The following RAPGEF5 variants were observed in gnomAD, a reference collection of about 807,000 sequenced individuals.
RAPGEF5 encodes the protein Rap guanine nucleotide exchange factor 5, also known as M-Ras-regulated GEF.
A neutral mutation model predicts 125.2 loss-of-function variants in RAPGEF5; 65 were observed. The ratio of observed to expected loss-of-function variants is 0.52; its 90% CI spans 0.43 to 0.64. RAPGEF5 has a LOEUF of 0.64. RAPGEF5 is among the 30% of genes least tolerant of loss of function. The pLI is 0.00. For missense variants in RAPGEF5, 958 were observed against 1,048.1 expected, an observed-to-expected ratio of 0.91 and a Z score of 1.19; for synonymous variants, 391 against 385.9, an observed-to-expected ratio of 1.01 and a Z score of -0.16.
At chr7:22,304,653 T>TGGGATTATGCACAC (rs1340496790) in intron 5 of RAPGEF5, among the ~76,000 whole-genome samples, 1 of 152,110 alleles carries the variant, frequency 6.6e-6, no homozygotes, top group African/African-American at 2.4e-5. Context: ...GGCATGCACA[T>TGGGATTATGCACAC]GGGATTATGC....
chr7:22,198,364 G>A (rs1785201487), intron 9 of RAPGEF5, among the ~76,000 whole-genome samples: 1 of 152,188 alleles, frequency 6.6e-6, no homozygotes, highest in Non-Finnish European at 1.5e-5. Flanking sequence ...AACCTGAGAA[G>A]AACAGCTGGC....
In RAPGEF5 at chr7:22,194,024, C is replaced by T; in HGVS notation, c.1006G>A (p.Glu336Lys). The T allele has an allele frequency of 6.2e-7, 1 of 1,612,906 alleles. No homozygotes were observed. The highest frequency in any genetic ancestry group is 8.5e-7 in the Non-Finnish European group (1 of 1,179,488). Residue 336 changes from glutamate to lysine, a missense_variant, in exon 10 of 26, where the codon GAA becomes AAA. Physicochemically the swap from Glu to Lys is moderately conservative, Grantham distance 56. Coordinates refer to ENST00000665637, the MANE Select transcript of RAPGEF5 (RefSeq NM_012294.5). ...EQEKSEHQDD[E>K]VTTVQVKEQD... The stretch of plus-strand genomic sequence containing the variant: ...TCTTTAACCTGAACAGTCGTCACTT[C>T]ATCATCTTGCTTTAATTGTGGACAG...
chr7:22,343,665 C>T (rs922461889), intron 1 of RAPGEF5, among the ~76,000 whole-genome samples: 1 of 152,120 alleles, frequency 6.6e-6, no homozygotes, highest in African/African-American at 2.4e-5. Context: ...ATCTGGATGA[C>T]CCCCCAAACC....
intron 1 of RAPGEF5, among the ~76,000 whole-genome samples, chr7:22,333,101 T>G (rs10238401): frequency 0.22 from 33,672 of 152,166 alleles, 3,787 homozygotes; most frequent in Admixed American, 0.24. Context: ...ATATTCATAT[T>G]AAATGCTAAC....
intron 7 of RAPGEF5, among the ~76,000 whole-genome samples, chr7:22,263,383 T>C (rs989802464): frequency 6.6e-6 from 1 of 152,244 alleles, no homozygotes; most frequent in African/African-American, 2.4e-5. Flanking sequence ...ATGATCCTTT[T>C]ATTAAATCAG....
intron 2 of RAPGEF5, 143 bp downstream of exon 2, chr7:22,317,844 G>T: frequency 1.9e-6 from 2 of 1,074,158 alleles, no homozygotes; most frequent in Non-Finnish European, 1.3e-6. Flanking sequence ...ATCCCAGGTG[G>T]TGAAGATAAT....
intron 1 of RAPGEF5, among the ~76,000 whole-genome samples, chr7:22,343,675 C>A (rs112730965): frequency 0.017 from 2,567 of 152,196 alleles, 64 homozygotes; most frequent in African/African-American, 0.059. Flanking sequence ...CCCCCCAAAC[C>A]ATGAAAAATG....
At chr7:22,173,761 A>G (rs1289639638) in intron 11 of RAPGEF5, among the ~76,000 whole-genome samples, 1 of 152,140 alleles carries the variant, frequency 6.6e-6, no homozygotes, top group Non-Finnish European at 1.5e-5. Context: ...GGGCTTGTCT[A>G]CCTTCTCCAG....
rs562377018 is a variant in RAPGEF5 at position 22,137,704 on chromosome 7, A to G, written c.2278-721T>C. Among the ~76,000 whole-genome samples, 5 of 152,282 alleles carry G rather than the reference A, an allele frequency of 3.3e-5. No individual in the cohort carries two copies. The East Asian group carries it at 9.7e-4, about 29-fold the overall frequency. On this transcript the variant is annotated intron_variant, in intron 21 of 25. Transcript: ENST00000665637. ...AACTCTGACTCTGCCCTTTCTAGCT[A>G]TGTGGTTTGGTGTGTCAGCAAGCTC...
chr7:22,307,314 C>T (rs1412092906), intron 5 of RAPGEF5, among the ~76,000 whole-genome samples: 1 of 152,038 alleles, frequency 6.6e-6, no homozygotes, highest in Non-Finnish European at 1.5e-5. Context: ...GTCTATTGTA[C>T]ACGCTGGTGT....
chr7:22,193,304 G>A, intron 11 of RAPGEF5, 63 bp downstream of exon 11: 6 of 1,514,422 alleles, frequency 4.0e-6, no homozygotes, highest in Non-Finnish European at 5.3e-6. Context: ...CCTTGCCCCT[G>A]AGGGTACTGA....
At chr7:22,265,800 G>A (rs1185756382) in intron 7 of RAPGEF5, among the ~76,000 whole-genome samples, 11 of 152,110 alleles carry the variant, frequency 7.2e-5, no homozygotes, top group Admixed American at 7.2e-4. Flanking sequence ...ATCTCAATGT[G>A]ATTTTGATTT....
chr7:22,356,790 G>C (rs1406783019), intron 1 of RAPGEF5, 40 bp downstream of exon 1: 1 of 1,100,912 alleles, frequency 9.1e-7, no homozygotes, highest in Non-Finnish European at 1.1e-6. Context: ...CTCCACGTGC[G>C]CGCCGCCCGT....
chr7:22,317,926 G>A lies in RAPGEF5; in HGVS notation c.282+61C>T, dbSNP rs1207601480. 4 of 1,540,954 alleles carry A rather than the reference G, an allele frequency of 2.6e-6. No homozygotes were observed. In the African/African-American group the frequency reaches 5.5e-5, roughly 21 times the overall value. ...AGGGAACAACTGTAACTTGATAATT[G>A]TACATCAGAATTTGTCAATCACTAT... On this transcript the variant is annotated intron_variant, in intron 2 of 25. Coordinates refer to ENST00000665637, the MANE Select transcript of RAPGEF5 (RefSeq NM_012294.5).
intron 24 of RAPGEF5, among the ~76,000 whole-genome samples, chr7:22,126,011 G>A (rs1437077201): frequency 6.6e-6 from 1 of 151,996 alleles, no homozygotes; most frequent in Non-Finnish European, 1.5e-5. Context: ...TTAGCTGGGG[G>A]TTGTAGCAGG....
At chr7:22,191,332 C>G (rs1369840520) in intron 11 of RAPGEF5, 2 of 268,624 alleles carry the variant, frequency 7.4e-6, no homozygotes, top group Non-Finnish European at 1.5e-5. Flanking sequence ...CTGACTTCCA[C>G]TTAGGCATCT....
At chr7:22,132,378 CT>C (rs33968264) in intron 23 of RAPGEF5, among the ~76,000 whole-genome samples, 55,422 of 147,954 alleles carry the variant, frequency 0.37, 10,576 homozygotes, top group Admixed American at 0.46. Flanking sequence ...CCTTTCCTCT[CT>C]TTTTTTTTTT....
Position 22,136,071 on chromosome 7 carries a change from G to A in RAPGEF5, c.2383C>T (p.Pro795Ser), listed in dbSNP as rs774817546. ...AATAAGGGCATGAAAGGGATTTTTG[G>A]TGGCTTCATCTTTTTGAATGCATCT... ...YRDAFKKMKP[P>S]KIPFMPLLLK... is the part of the protein sequence containing the mutation. Residue 795 changes from proline to serine, a missense_variant, in exon 23 of 26, where the codon CCA becomes TCA. By Grantham distance (74) the Pro-to-Ser change is moderately conservative. Transcript: ENST00000665637. 2 of 1,612,230 alleles carry A rather than the reference G, an allele frequency of 1.2e-6. No individual in the cohort carries two copies. The highest frequency in any genetic ancestry group is 1.7e-6 in the Non-Finnish European group (2 of 1,178,812).
At position 22,140,515 on chromosome 7, in the gene RAPGEF5, C is replaced by T. The variant is rs543850275; in HGVS notation, c.2187-400G>A. Among the ~76,000 whole-genome samples the T allele has an allele frequency of 3.3e-5, 5 of 152,246 alleles. No homozygotes were observed. The East Asian group carries it at 9.6e-4, about 29-fold the overall frequency. On this transcript the variant is annotated intron_variant, in intron 20 of 25. Transcript: ENST00000665637. Reference sequence around the variant, plus strand: ...GTTTTTTCATTTTTTGACAGACAAGCCCTTCTCACCCCACAGGTCTAAGCT... The same window carrying T: ...GTTTTTTCATTTTTTGACAGACAAGTCCTTCTCACCCCACAGGTCTAAGCT...
Sources: gnomAD v4.1 joint callset for allele counts (sites outside exome capture counted in the v4.1 genomes callset) on GRCh38, gnomAD v4.1.1 for gene constraint, MANE v1.5 for transcripts, NCBI Gene and HGNC (gene_info 2026-07-23, HGNC 2026-07-21) for gene names.